The following PPFIBP1 variants were observed in gnomAD, a reference collection of about 807,000 sequenced individuals.
PPFIBP1 encodes the protein PPFIB scaffold protein 1, also known as liprin-beta-1.
In PPFIBP1, 112 loss-of-function variants were observed where a neutral mutation model predicts 137.8. The observed-to-expected ratio is 0.81, with a 90% confidence interval of 0.70 to 0.95. The LOEUF is 0.95. PPFIBP1 is among the 40% of genes least tolerant of loss of function. The probability of loss-of-function intolerance (pLI) is 0.00; values close to 1 mark genes in which losing one functional copy is unlikely to be tolerated. For missense variants in PPFIBP1, 1,083 were observed against 1,196.6 expected, an observed-to-expected ratio of 0.91 and a Z score of 1.40; for synonymous variants, 378 against 417.3, an observed-to-expected ratio of 0.91 and a Z score of 1.15.
intron 2 of PPFIBP1, among the ~76,000 whole-genome samples, chr12:27,606,114 A>C (rs1204303080): frequency 2.0e-5 from 3 of 152,220 alleles, no homozygotes; most frequent in Admixed American, 6.5e-5. Context: ...GGATTTGCAT[A>C]TGTTTGGCAA....
intron 2 of PPFIBP1, among the ~76,000 whole-genome samples, chr12:27,623,068 T>C (rs1242055151): frequency 2.0e-5 from 3 of 152,168 alleles, no homozygotes; most frequent in Non-Finnish European, 4.4e-5. Flanking sequence ...GAACTGCTTA[T>C]ATCTAGGAAG....
In PPFIBP1 at chr12:27,658,797, A is replaced by G; in HGVS notation, c.812-19A>G. 2 of 1,607,996 alleles carry G rather than the reference A, an allele frequency of 1.2e-6. No individual in the cohort carries two copies. The highest frequency in any genetic ancestry group is 2.2e-5 in the East Asian group (1 of 44,796). On this transcript the variant is annotated intron_variant, in intron 9 of 29. Coordinates refer to ENST00000228425, the MANE Select transcript of PPFIBP1 (RefSeq NM_003622.4). ...TGTAATGTATGCTAACTTCCAATCC[A>G]ATGGGTTTTCCTGCACAGATGAAAA...
chr12:27,678,796 G>T (rs1467246593), intron 19 of PPFIBP1, among the ~76,000 whole-genome samples: 2 of 143,006 alleles, frequency 1.4e-5, no homozygotes, highest in Non-Finnish European at 3.0e-5. Flanking sequence ...GGCGGAGGTT[G>T]CAGTAAGCCG....
rs117924215 is a variant in PPFIBP1, at chr12:27,658,441, C to T, written c.812-375C>T. Among the ~76,000 whole-genome samples the T allele has an allele frequency of 5.7e-4, 87 of 152,244 alleles. No individual in the cohort carries two copies. The East Asian group carries it at 0.015, about 27-fold the overall frequency. On this transcript the variant is annotated intron_variant, in intron 9 of 29. Transcript: ENST00000228425. Reference sequence around the variant, plus strand: ...CATGTGACACAAGCAGTGTTCTAGTCACATTCAGGAGGACCAGGTATCAAA... The same window carrying T: ...CATGTGACACAAGCAGTGTTCTAGTTACATTCAGGAGGACCAGGTATCAAA...
chr12:27,596,395 A>G (rs2137534860), intron 2 of PPFIBP1, among the ~76,000 whole-genome samples: 1 of 152,336 alleles, frequency 6.6e-6, no homozygotes, highest in Middle Eastern at 3.4e-3. Context: ...TACCCAATAG[A>G]TGCAGCCTGG....
At chr12:27,594,174 AT>A (rs35066032) in intron 2 of PPFIBP1, 13,963 of 139,424 alleles carry the variant, frequency 0.1, 346 homozygotes, top group African/African-American at 0.16. Flanking sequence ...CCCCTTTTCT[AT>A]TTTTTTTTTT....
chr12:27,692,909 G>T lies in PPFIBP1; in HGVS notation c.*27G>T. 3 of 1,613,384 alleles carry T rather than the reference G, an allele frequency of 1.9e-6. No individual in the cohort carries two copies. The highest frequency in any genetic ancestry group is 2.5e-6 in the Non-Finnish European group (3 of 1,179,758). ...CGTAGCACCTGGATGAACATTAGGA[G>T]TGCTTAGTCTTTTTTCTACTTGCTT... On this transcript the variant is annotated 3_prime_UTR_variant, in exon 30 of 30. Transcript: ENST00000228425.
intron 1 of PPFIBP1, among the ~76,000 whole-genome samples, chr12:27,561,531 A>C (rs1217182185): frequency 6.6e-6 from 1 of 152,058 alleles, no homozygotes; most frequent in Non-Finnish European, 1.5e-5. Context: ...AAAATGTGTC[A>C]TTTTCCTTGC....
chr12:27,579,387 C>G (rs1175850744), intron 2 of PPFIBP1, among the ~76,000 whole-genome samples: 3 of 152,196 alleles, frequency 2.0e-5, no homozygotes, highest in South Asian at 2.1e-4. Context: ...GTGAACACAC[C>G]TCTTCAATCA....
At chr12:27,547,189 A>C (rs306666) in intron 1 of PPFIBP1, 150,273 of 152,270 alleles carry the variant, frequency 0.99, 74,182 homozygotes, top group East Asian at 1. Context: ...GGAACCCCAG[A>C]TGTGGCCTCC....
At chr12:27,639,445 A>G (rs776868476) in intron 4 of PPFIBP1, among the ~76,000 whole-genome samples, 5 of 152,172 alleles carry the variant, frequency 3.3e-5, no homozygotes, top group African/African-American at 7.2e-5. Flanking sequence ...GAACATTCTT[A>G]TAATGTTTTT....
At chr12:27,655,282 G>C in intron 8 of PPFIBP1, 1 of 1,275,242 alleles carries the variant, frequency 7.8e-7, no homozygotes, top group Non-Finnish European at 1.1e-6. Context: ...TTGCTTTCTG[G>C]CTTGTGTTGT....
chr12:27,666,204 C>T (rs967955425), intron 12 of PPFIBP1, among the ~76,000 whole-genome samples: 2 of 152,164 alleles, frequency 1.3e-5, no homozygotes, highest in Non-Finnish European at 2.9e-5. Flanking sequence ...CCTGTGCATA[C>T]AAACGTGTAA....
intron 7 of PPFIBP1, among the ~76,000 whole-genome samples, chr12:27,653,686 A>T (rs2059024172): frequency 6.6e-6 from 1 of 151,822 alleles, no homozygotes; most frequent in South Asian, 2.1e-4. Context: ...GTCATCTCCC[A>T]TGCAGGGTAT....
At chr12:27,577,676 T>C (rs2050687269) in intron 1 of PPFIBP1, among the ~76,000 whole-genome samples, 1 of 152,144 alleles carries the variant, frequency 6.6e-6, no homozygotes, top group Admixed American at 6.5e-5. Flanking sequence ...GTCTGAAAAA[T>C]AGTGTATGTA....
chr12:27,617,997 C>T (rs1309522718), intron 2 of PPFIBP1, among the ~76,000 whole-genome samples: 1 of 152,184 alleles, frequency 6.6e-6, no homozygotes, highest in Non-Finnish European at 1.5e-5. Flanking sequence ...TTCTCTGCCT[C>T]CCTCATTCCC....
At chr12:27,563,277 TAAAAAAAAAAA>T (rs869044515) in intron 1 of PPFIBP1, among the ~76,000 whole-genome samples, 726 of 22,184 alleles carry the variant, frequency 0.033, 15 homozygotes, top group Admixed American at 0.051. Context: ...CCATCTCTAC[TAAAAAAAAAAA>T]AAAAAAAAAA....
chr12:27,571,764 GC>G (rs1402093563), intron 1 of PPFIBP1, among the ~76,000 whole-genome samples: 1 of 152,014 alleles, frequency 6.6e-6, no homozygotes, highest in Non-Finnish European at 1.5e-5. Context: ...GTTCAGAATG[GC>G]CTTTCACAAT....
chr12:27,682,562 CACAAGA>C, intron 23 of PPFIBP1, 47 bp from the exon 24 acceptor site: 1 of 1,609,530 alleles, frequency 6.2e-7, no homozygotes, highest in East Asian at 2.2e-5. Flanking sequence ...TCTTTTTAAT[CACAAGA>C]ACAGATGTTT....
Sources: gnomAD v4.1 joint callset for allele counts (sites outside exome capture counted in the v4.1 genomes callset) on GRCh38, gnomAD v4.1.1 for gene constraint, MANE v1.5 for transcripts, NCBI Gene and HGNC (gene_info 2026-07-23, HGNC 2026-07-21) for gene names.